FMNL2: variants seen among roughly 807,000 people sequenced by gnomAD.
FMNL2 encodes the protein formin like 2, also known as formin-like protein 2.
In FMNL2, 51 loss-of-function variants were observed where a neutral mutation model predicts 130.2. That is an observed-to-expected ratio of 0.39 (90% CI 0.31 to 0.49). FMNL2 has a LOEUF of 0.49. FMNL2 is among the 20% of genes least tolerant of loss of function. The probability of loss-of-function intolerance (pLI) is 0.85; values close to 1 mark genes in which losing one functional copy is unlikely to be tolerated. For missense variants in FMNL2, 977 were observed against 1,316.2 expected, an observed-to-expected ratio of 0.74 and a Z score of 3.99; for synonymous variants, 465 against 467.1, an observed-to-expected ratio of 1.00 and a Z score of 0.06.
intron 1 of FMNL2, among the ~76,000 whole-genome samples, chr2:152,410,501 T>A (rs558229169): frequency 1.3e-5 from 2 of 152,346 alleles, no homozygotes; most frequent in Admixed American, 1.3e-4. Context: ...TTTTGAAAGC[T>A]ATTGTGCCAA....
At chr2:152,560,551 A>C (rs996696945) in intron 5 of FMNL2, among the ~76,000 whole-genome samples, 2 of 152,256 alleles carry the variant, frequency 1.3e-5, no homozygotes, top group Admixed American at 6.5e-5. Flanking sequence ...GACAGCTGTA[A>C]GATCTTTTCC....
At chr2:152,514,836 T>C (rs1692673940) in intron 1 of FMNL2, among the ~76,000 whole-genome samples, 1 of 152,148 alleles carries the variant, frequency 6.6e-6, no homozygotes, top group Non-Finnish European at 1.5e-5. Flanking sequence ...GGAACTGAAA[T>C]AGCGAAATAA....
At chr2:152,535,454 A>G (rs1231620046) in intron 2 of FMNL2, among the ~76,000 whole-genome samples, 1 of 152,226 alleles carries the variant, frequency 6.6e-6, no homozygotes, top group Non-Finnish European at 1.5e-5. Flanking sequence ...TATGGCTCTT[A>G]TCATATTCTA....
At chr2:152,353,003 A>G (rs1367595935) in intron 1 of FMNL2, among the ~76,000 whole-genome samples, 1 of 152,104 alleles carries the variant, frequency 6.6e-6, no homozygotes, top group Non-Finnish European at 1.5e-5. Flanking sequence ...CTATTTAACC[A>G]ATGTTTTGCT....
intron 1 of FMNL2, among the ~76,000 whole-genome samples, chr2:152,405,688 G>A (rs1685943145): frequency 6.6e-6 from 1 of 152,148 alleles, no homozygotes; most frequent in South Asian, 2.1e-4. Flanking sequence ...AGAAACAAAG[G>A]CCAAGTTGAA....
chr2:152,429,135 A>G (rs1446028105), intron 1 of FMNL2, among the ~76,000 whole-genome samples: 1 of 151,694 alleles, frequency 6.6e-6, no homozygotes, highest in Non-Finnish European at 1.5e-5. Context: ...GTGTTTACCT[A>G]CGTAACAAAC....
chr2:152,361,236 A>T (rs546133964), intron 1 of FMNL2, among the ~76,000 whole-genome samples: 1 of 152,158 alleles, frequency 6.6e-6, no homozygotes, highest in African/African-American at 2.4e-5. Context: ...GAGAACTTGG[A>T]TAATGATAAT....
chr2:152,447,557 C>A (rs1301684815), intron 1 of FMNL2, among the ~76,000 whole-genome samples: 1 of 152,170 alleles, frequency 6.6e-6, no homozygotes. Flanking sequence ...CAGTATGTAA[C>A]CGAGACCCAT....
In FMNL2 at chr2:152,589,992, T is replaced by TATATACATATAC. The variant is rs1558988467; in HGVS notation, c.876+8947_876+8948insACATATACATAT. On this transcript the variant is annotated intron_variant, in intron 9 of 25. Coordinates refer to ENST00000288670, the MANE Select transcript of FMNL2 (RefSeq NM_052905.4). ...ATATATATATATATATATGTATATG[T>TATATACATATAC]ATATGTATATATATATACATATACA... Among the ~76,000 whole-genome samples the TATATACATATAC allele has an allele frequency of 4.3e-4, 48 of 112,858 alleles. 1 individual carries two copies. In the South Asian group the frequency reaches 0.011, roughly 27 times the overall value. 74.0% of individuals were successfully genotyped at this position (112,858 alleles called of 152,430 possible). A position where few individuals can be genotyped will look rare whatever the true frequency, so the allele number is the denominator to read the frequency against.
chr2:152,648,961 G>A lies in FMNL2; in HGVS notation c.*1056G>A, dbSNP rs886579493. On this transcript the variant is annotated 3_prime_UTR_variant, in exon 26 of 26. Transcript: ENST00000288670. ...TAAATAATACGTAATGGGACTAGAT[G>A]GCCCACTAAGCCACTGTTATTTTCC... The A allele has an allele frequency of 3.9e-5, 6 of 152,554 alleles. No individual in the cohort carries two copies. Among genetic ancestry groups the A allele is most frequent in the Non-Finnish European group, 7.3e-5 (5 of 68,038 alleles). 9.5% of individuals were successfully genotyped at this position (152,554 alleles called of 1,614,324 possible).
At chr2:152,453,499 G>A (rs953142470) in intron 1 of FMNL2, among the ~76,000 whole-genome samples, 3 of 152,146 alleles carry the variant, frequency 2.0e-5, no homozygotes, top group Admixed American at 1.3e-4. Context: ...TTGCCAGGAC[G>A]CTTGTTTTGT....
chr2:152,341,270 G>A (rs1054879779), intron 1 of FMNL2, among the ~76,000 whole-genome samples: 4 of 152,124 alleles, frequency 2.6e-5, no homozygotes, highest in Non-Finnish European at 4.4e-5. Flanking sequence ...TCCAAAGTGG[G>A]AATATATGGT....
chr2:152,641,036 C>A, intron 25 of FMNL2, 122 bp downstream of exon 25: 1 of 1,296,362 alleles, frequency 7.7e-7, no homozygotes, highest in Non-Finnish European at 1.1e-6. Flanking sequence ...TGACTTTATT[C>A]ACACCCAGAG....
At chr2:152,625,644 C>T in intron 16 of FMNL2, 82 bp downstream of exon 16, 1 of 1,485,746 alleles carries the variant, frequency 6.7e-7, no homozygotes, top group Non-Finnish European at 9.1e-7. Flanking sequence ...CTGGAAGTGT[C>T]AGAGATAAAG....
intron 1 of FMNL2, among the ~76,000 whole-genome samples, chr2:152,400,022 A>C (rs1685600429): frequency 6.6e-6 from 1 of 152,176 alleles, no homozygotes; most frequent in Admixed American, 6.5e-5. Flanking sequence ...AGAAGCCCTG[A>C]TGATGCATTT....
At chr2:152,646,157 C>CAA (rs3080636) in intron 25 of FMNL2, among the ~76,000 whole-genome samples, 42,213 of 116,238 alleles carry the variant, frequency 0.36, 7,207 homozygotes, top group East Asian at 0.65. Flanking sequence ...CCCATCTCTA[C>CAA]AAAAAAAAAA....
intron 9 of FMNL2, among the ~76,000 whole-genome samples, chr2:152,606,592 TC>T: frequency 6.9e-6 from 1 of 145,406 alleles, no homozygotes. Context: ...AGAAAAAAAG[TC>T]CCCAGAGAGT....
chr2:152,430,798 G>A (rs925319375), intron 1 of FMNL2, among the ~76,000 whole-genome samples: 4 of 152,080 alleles, frequency 2.6e-5, no homozygotes, highest in Non-Finnish European at 4.4e-5. Context: ...GCTTGAACTC[G>A]GGAGGTGGAG....
chr2:152,511,397 G>A (rs1016355570), intron 1 of FMNL2, among the ~76,000 whole-genome samples: 18 of 152,174 alleles, frequency 1.2e-4, no homozygotes, highest in African/African-American at 4.3e-4. Flanking sequence ...GGAAATCTTT[G>A]GGGGCCATTA....
Sources: allele counts gnomAD v4.1 joint callset (sites outside exome capture counted in the v4.1 genomes callset), GRCh38; gene constraint gnomAD v4.1.1; transcripts MANE v1.5; gene names NCBI Gene and HGNC (gene_info 2026-07-23, HGNC 2026-07-21).